Variants in SLC25A21 observed in about 807,000 individuals in gnomAD.
The protein encoded by SLC25A21 is mitochondrial 2-oxodicarboxylate carrier.
Under a neutral mutation model 43.8 loss-of-function variants are expected in SLC25A21, and 47 were observed. That is an observed-to-expected ratio of 1.07 (90% CI 0.85 to 1.37). The LOEUF (loss-of-function observed/expected upper bound fraction) is 1.37, where lower values mean the gene tolerates loss of function less well. SLC25A21 is among the 40% of genes most tolerant of loss of function. The pLI is 0.00. For synonymous variants in SLC25A21, 131 were observed against 121.3 expected, an observed-to-expected ratio of 1.08 and a Z score of -0.52; for missense variants, 352 against 350.2, an observed-to-expected ratio of 1.00 and a Z score of -0.04.
intron 2 of SLC25A21, among the ~76,000 whole-genome samples, chr14:36,816,080 T>C (rs1212359298): frequency 6.6e-6 from 1 of 152,176 alleles, no homozygotes; most frequent in Non-Finnish European, 1.5e-5. Context: ...CTGCTTTGAC[T>C]GAAGCAGTTG....
chr14:36,853,366 C>T (rs913167405), intron 2 of SLC25A21, among the ~76,000 whole-genome samples: 10 of 152,222 alleles, frequency 6.6e-5, no homozygotes, highest in Non-Finnish European at 2.9e-5. Flanking sequence ...AATTTGTCAA[C>T]CTCTTATAAA....
intron 1 of SLC25A21, among the ~76,000 whole-genome samples, chr14:37,018,816 A>G (rs2138750363): frequency 6.6e-6 from 1 of 152,114 alleles, no homozygotes; most frequent in African/African-American, 2.4e-5. Flanking sequence ...TAATTTCAAC[A>G]CAAATGACTT....
intron 1 of SLC25A21, among the ~76,000 whole-genome samples, chr14:37,162,680 T>A (rs369267248): frequency 6.6e-6 from 1 of 152,192 alleles, no homozygotes; most frequent in Non-Finnish European, 1.5e-5. Context: ...GGAACACTTT[T>A]ACACTGTTGG....
intron 1 of SLC25A21, among the ~76,000 whole-genome samples, chr14:37,118,707 T>C (rs72669546): frequency 1.0e-3 from 159 of 152,296 alleles, no homozygotes; most frequent in Non-Finnish European, 1.9e-3. Context: ...CCCTGGACTA[T>C]CTTTTCTTTA....
At chr14:36,963,027 T>C (rs1423188098) in intron 1 of SLC25A21, among the ~76,000 whole-genome samples, 2 of 152,216 alleles carry the variant, frequency 1.3e-5, no homozygotes, top group Non-Finnish European at 2.9e-5. Context: ...AGAAAAGTTA[T>C]TGTGAGGCCT....
chr14:36,678,083 T>C lies in SLC25A21; in HGVS notation c.*2575A>G, dbSNP rs1881988674. 5.6e-6 allele frequency: 1 copy of C among 177,408 alleles called. No homozygotes were observed. Among genetic ancestry groups the C allele is most frequent in the Admixed American group, 6.0e-5 (1 of 16,576 alleles). The allele number at this position is 177,408 out of a possible 1,614,324, so 11.0% of individuals were successfully genotyped here. ...TCTGTGCAATAACTAAAAGAGCACCTCACTGGATATGGATGTTGAAGATGG... is the reference window on the plus strand; with the variant it reads ...TCTGTGCAATAACTAAAAGAGCACCCCACTGGATATGGATGTTGAAGATGG... On this transcript the variant is annotated 3_prime_UTR_variant, in exon 10 of 10. Transcript: ENST00000331299.
At chr14:36,695,457 G>C (rs933999037) in intron 7 of SLC25A21, among the ~76,000 whole-genome samples, 1 of 152,154 alleles carries the variant, frequency 6.6e-6, no homozygotes, top group Non-Finnish European at 1.5e-5. Flanking sequence ...GAAAGTCATC[G>C]GTAGCTTGAT....
chr14:36,796,479 T>C (rs150648301), intron 3 of SLC25A21, among the ~76,000 whole-genome samples: 1 of 152,182 alleles, frequency 6.6e-6, no homozygotes, highest in East Asian at 1.9e-4. Flanking sequence ...TAATATAGTT[T>C]AGTTCAACAA....
At chr14:36,920,717 T>C (rs1037839025) in intron 1 of SLC25A21, among the ~76,000 whole-genome samples, 6 of 152,094 alleles carry the variant, frequency 3.9e-5, no homozygotes, top group African/African-American at 1.4e-4. Context: ...AGAAAACTTT[T>C]GTACCTTAAC....
rs1963688590 is a variant in SLC25A21, at chr14:37,147,637, T to TG, written c.70+24643_70+24644insC. Among the ~76,000 whole-genome samples the TG allele has an allele frequency of 6.2e-5, 8 of 129,768 alleles. 1 individual carries two copies. Among genetic ancestry groups the TG allele is most frequent in the South Asian group, 4.9e-4 (2 of 4,044 alleles). The allele number at this position is 129,768 out of a possible 152,430, so 85.1% of individuals were successfully genotyped here. A position where few individuals can be genotyped will look rare whatever the true frequency, so the allele number is the denominator to read the frequency against. On this transcript the variant is annotated intron_variant, in intron 1 of 9. Transcript: ENST00000331299. ...TGGTATTTCACACTTATTTCAGGTT[T>TG]TTTTTTTTTTTTAAAAAAAAGGAAG...
intron 1 of SLC25A21, among the ~76,000 whole-genome samples, chr14:37,067,928 C>A (rs376242894): frequency 6.6e-6 from 1 of 152,358 alleles, no homozygotes; most frequent in East Asian, 1.9e-4. Flanking sequence ...CTAAGTGATT[C>A]TATTACAAAA....
At chr14:36,724,454 C>T (rs564885668) in intron 6 of SLC25A21, among the ~76,000 whole-genome samples, 1 of 152,304 alleles carries the variant, frequency 6.6e-6, no homozygotes, top group Non-Finnish European at 1.5e-5. Context: ...GGCAGGGAAA[C>T]TTTCCTACAG....
chr14:36,726,049 T>C (rs1036544875), intron 5 of SLC25A21, among the ~76,000 whole-genome samples: 1 of 152,224 alleles, frequency 6.6e-6, no homozygotes, highest in African/African-American at 2.4e-5. Flanking sequence ...TTTTTAAACA[T>C]CTACTTAAAT....
At chr14:37,060,408 AATAATAATAATAATAATG>A (rs1191908503) in intron 1 of SLC25A21, among the ~76,000 whole-genome samples, 3 of 147,668 alleles carry the variant, frequency 2.0e-5, no homozygotes, top group Non-Finnish European at 4.5e-5. Context: ...TAATAATAAT[AATAATAATAATAATAATG>A]ATGTAACCCA....
At chr14:36,729,639 C>CTTTGGTCA in intron 4 of SLC25A21, 73 bp from the exon 5 acceptor site, 1 of 1,268,366 alleles carries the variant, frequency 7.9e-7, no homozygotes, top group South Asian at 1.4e-5. Context: ...ACTCAAATTT[C>CTTTGGTCA]TTTGGTAAAT....
intron 2 of SLC25A21, among the ~76,000 whole-genome samples, chr14:36,873,001 G>A (rs532047032): frequency 6.6e-6 from 1 of 152,184 alleles, no homozygotes; most frequent in East Asian, 1.9e-4. Flanking sequence ...TTGAGTGAAT[G>A]AGTGACCATA....
chr14:36,761,182 CAG>C (rs1886142382), intron 3 of SLC25A21, among the ~76,000 whole-genome samples: 1 of 152,182 alleles, frequency 6.6e-6, no homozygotes, highest in Non-Finnish European at 1.5e-5. Context: ...TGCATCCAAA[CAG>C]AAGCCTTGGA....
intron 7 of SLC25A21, among the ~76,000 whole-genome samples, chr14:36,689,047 G>A (rs1025684866): frequency 1.3e-5 from 2 of 152,214 alleles, no homozygotes; most frequent in Non-Finnish European, 2.9e-5. Context: ...TGCTGATAAA[G>A]ACATACCTGA....
Position 36,847,954 on chromosome 14 carries a change from G to C in SLC25A21, c.119+27002C>G, listed in dbSNP as rs116689881. Reference sequence around the variant, plus strand: ...AATATAGACCAACAGTGGAAGGGGGGCCCTAAGGAAGAGGTGATACACACT... The same window carrying C: ...AATATAGACCAACAGTGGAAGGGGGCCCCTAAGGAAGAGGTGATACACACT... On this transcript the variant is annotated intron_variant, in intron 2 of 9. Transcript: ENST00000331299. Among the ~76,000 whole-genome samples, 533 of 152,268 alleles carry C rather than the reference G, an allele frequency of 3.5e-3. 4 individuals are homozygous for C. Among genetic ancestry groups the C allele is most frequent in the African/African-American group, 0.012 (517 of 41,546 alleles).
Sources: gnomAD v4.1 joint callset for allele counts (sites outside exome capture counted in the v4.1 genomes callset) on GRCh38, gnomAD v4.1.1 for gene constraint, MANE v1.5 for transcripts, NCBI Gene and HGNC (gene_info 2026-07-23, HGNC 2026-07-21) for gene names.